Variants in KALRN observed in about 807,000 individuals in gnomAD.
The protein encoded by KALRN is kalirin RhoGEF kinase, also known as kalirin.
In KALRN, 70 loss-of-function variants were observed where a neutral mutation model predicts 353.7. The ratio of observed to expected loss-of-function variants is 0.20; its 90% CI spans 0.16 to 0.24. The LOEUF (loss-of-function observed/expected upper bound fraction) is 0.24. Ranked by LOEUF, KALRN falls within the 10% of genes least tolerant of loss-of-function variation. The pLI, the probability that KALRN is intolerant of heterozygous loss-of-function variation, is 1.00. For missense variants in KALRN, 2,791 were observed against 3,756.7 expected, an observed-to-expected ratio of 0.74 and a Z score of 6.72; for synonymous variants, 1,391 against 1,434.8, an observed-to-expected ratio of 0.97 and a Z score of 0.69.
intron 16 of KALRN, among the ~76,000 whole-genome samples, chr3:124,431,281 A>G (rs948271655): frequency 5.9e-5 from 9 of 152,380 alleles, no homozygotes; most frequent in African/African-American, 2.2e-4. Context: ...AGATTGCACC[A>G]GATATTTTTA....
intron 1 of KALRN, chr3:124,163,331 TGGA>T (rs1378956226): frequency 1.3e-5 from 2 of 152,346 alleles, no homozygotes; most frequent in Non-Finnish European, 1.5e-5. Context: ...GAAGGAGCCA[TGGA>T]TTCCATGATA....
chr3:124,697,402 A>G (rs953993949), intron 54 of KALRN, among the ~76,000 whole-genome samples, 191 bp from the exon 55 acceptor site: 2 of 152,224 alleles, frequency 1.3e-5, no homozygotes, highest in African/African-American at 4.8e-5. Flanking sequence ...AGCCCAAGGA[A>G]GAACTTCAGA....
chr3:124,234,999 A>C, intron 3 of KALRN, 56 bp downstream of exon 3: 1 of 1,274,974 alleles, frequency 7.8e-7, no homozygotes, highest in Non-Finnish European at 1.1e-6. Flanking sequence ...GGCTGATGCC[A>C]GTTTTGGAAG....
At chr3:124,038,126 A>C (rs2039603926) in intron 1 of KALRN, among the ~76,000 whole-genome samples, 3 of 152,208 alleles carry the variant, frequency 2.0e-5, no homozygotes, top group African/African-American at 7.2e-5. Context: ...ATTTTGGGGT[A>C]GAAATTCTTA....
intron 10 of KALRN, among the ~76,000 whole-genome samples, chr3:124,356,151 T>C (rs1040148170): frequency 6.6e-6 from 1 of 152,050 alleles, no homozygotes; most frequent in African/African-American, 2.4e-5. Context: ...CTGCCTCTAC[T>C]TCCTTACCTC....
intron 7 of KALRN, among the ~76,000 whole-genome samples, chr3:124,328,152 T>A (rs919983292): frequency 6.6e-6 from 1 of 152,220 alleles, no homozygotes; most frequent in African/African-American, 2.4e-5. Context: ...GAAATAATAC[T>A]TGTGTCAAGC....
At chr3:124,370,601 G>GAA (rs1452511451) in intron 10 of KALRN, among the ~76,000 whole-genome samples, 1 of 152,174 alleles carries the variant, frequency 6.6e-6, no homozygotes, top group African/African-American at 2.4e-5. Flanking sequence ...GGTAGCCATT[G>GAA]CTTTGATTGT....
intron 37 of KALRN, among the ~76,000 whole-genome samples, chr3:124,642,000 G>A (rs1353896051): frequency 6.6e-6 from 1 of 152,134 alleles, no homozygotes; most frequent in African/African-American, 2.4e-5. Context: ...AAAGCCCCTA[G>A]GCCAAGTGTG....
intron 32 of KALRN, 61 bp from the exon 33 acceptor site, chr3:124,496,250 C>A: frequency 7.7e-7 from 1 of 1,290,562 alleles, no homozygotes; most frequent in Non-Finnish European, 1.1e-6. Flanking sequence ...TCCTTGTGTG[C>A]TCTAAACCCA....
intron 28 of KALRN, among the ~76,000 whole-genome samples, chr3:124,485,267 A>G (rs547412703): frequency 6.6e-6 from 1 of 152,248 alleles, no homozygotes; most frequent in Non-Finnish European, 1.5e-5. Context: ...AGACAAACCA[A>G]TGCTGACTCA....
At chr3:124,632,351 G>T (rs2080876802) in intron 34 of KALRN, 69 bp from the exon 35 acceptor site, 1 of 1,481,716 alleles carries the variant, frequency 6.7e-7, no homozygotes, top group Non-Finnish European at 9.3e-7. Flanking sequence ...GGATGGAGCT[G>T]TCTCAGTCCC....
chr3:124,271,393 A>G (rs561129822), intron 5 of KALRN, among the ~76,000 whole-genome samples: 1 of 152,342 alleles, frequency 6.6e-6, no homozygotes, highest in African/African-American at 2.4e-5. Context: ...ACGGCATACC[A>G]TAGCTCCAGA....
chr3:124,507,682 A>G (rs1166099866), intron 33 of KALRN, among the ~76,000 whole-genome samples: 1 of 152,210 alleles, frequency 6.6e-6, no homozygotes, highest in Non-Finnish European at 1.5e-5. Context: ...ACAGTATGTG[A>G]TGATAGGGTG....
Position 124,718,985 on chromosome 3 carries a change from G to T in KALRN, c.8476G>T (p.Glu2826Ter), listed in dbSNP as rs1330456087. The change falls in exon 60 of 60, where the codon GAG (glutamate) becomes TAG (stop). Residue 2826 changes from glutamate (E) to a stop codon, truncating the protein, a stop_gained. Coordinates refer to ENST00000682506, the MANE Select transcript of KALRN (RefSeq NM_001388419.1). LOFTEE classifies it high-confidence loss of function. ...PVPRVKLIDL[E>*]DAVQISGHFH... The stretch of plus-strand genomic sequence containing the variant: ...GCCTCGAGTGAAGCTCATTGACTTG[G>T]AGGATGCTGTCCAGATCTCGGGTCA... The T allele has an allele frequency of 6.2e-7, 1 of 1,614,224 alleles. No individual in the cohort carries two copies. Among genetic ancestry groups the T allele is most frequent in the Non-Finnish European group, 8.5e-7 (1 of 1,180,046 alleles).
At chr3:124,647,254 T>C (rs184968631) in intron 37 of KALRN, among the ~76,000 whole-genome samples, 8 of 152,208 alleles carry the variant, frequency 5.3e-5, no homozygotes. Context: ...TATGATCTGA[T>C]CCCTGCAAAC....
intron 34 of KALRN, among the ~76,000 whole-genome samples, chr3:124,616,554 A>G (rs180812150): frequency 2.6e-5 from 4 of 152,302 alleles, no homozygotes; most frequent in Admixed American, 2.6e-4. Flanking sequence ...TAAATGCTCT[A>G]TGTTCCCTCT....
At chr3:124,107,068 A>G (rs935115346) in intron 1 of KALRN, among the ~76,000 whole-genome samples, 4 of 152,226 alleles carry the variant, frequency 2.6e-5, no homozygotes, top group Non-Finnish European at 5.9e-5. Context: ...AAGAACCCAG[A>G]GGAGTATCTT....
intron 33 of KALRN, among the ~76,000 whole-genome samples, chr3:124,532,793 T>C (rs1455182791): frequency 6.6e-6 from 1 of 152,046 alleles, no homozygotes; most frequent in Non-Finnish European, 1.5e-5. Flanking sequence ...AGAGGAAGAC[T>C]CTGTCTCCAA....
chr3:124,048,743 A>G (rs575477890), intron 1 of KALRN, among the ~76,000 whole-genome samples: 9 of 152,054 alleles, frequency 5.9e-5, no homozygotes, highest in East Asian at 1.9e-4. Flanking sequence ...TGGCCTCCCA[A>G]TCCTGCTGGG....
Sources: allele counts gnomAD v4.1 joint callset (sites outside exome capture counted in the v4.1 genomes callset), GRCh38; gene constraint gnomAD v4.1.1; transcripts MANE v1.5; gene names NCBI Gene and HGNC (gene_info 2026-07-23, HGNC 2026-07-21).